The following CCDC102B variants were observed in gnomAD, a reference collection of about 807,000 sequenced individuals.
CCDC102B encodes coiled-coil domain containing 102B.
CCDC102B carries 75 observed loss-of-function variants against 57.4 expected under a neutral mutation model. The observed-to-expected ratio is 1.31, with a 90% CI of 1.08 to 1.58. The LOEUF is 1.58. Among genes scored for constraint, CCDC102B ranks in the 40% most tolerant of loss-of-function variants. CCDC102B has a pLI of 0.00. For synonymous variants in CCDC102B, 206 were observed against 201.9 expected (o/e 1.02, Z -0.17); for missense variants, 636 against 582.6 (o/e 1.09, Z -0.94).
In CCDC102B at chr18:68,746,598, C is replaced by T. The variant is rs112002868; in HGVS notation, c.-67+30004C>T. The stretch of plus-strand genomic sequence containing the variant: ...CAAGAAAAACACAATTTTCTAACTT[C>T]TACCTCTACAGGCAAAAAATTTACT... On this transcript the variant is annotated intron_variant, in intron 2 of 3. Transcript: ENST00000578970. Among the ~76,000 whole-genome samples, 943 of 152,198 alleles carry T rather than the reference C, an allele frequency of 6.2e-3. 9 individuals are homozygous for T. Among genetic ancestry groups the T allele is most frequent in the African/African-American group, 0.019 (774 of 41,546 alleles).
intron 6 of CCDC102B, among the ~76,000 whole-genome samples, chr18:68,983,264 C>T (rs1318313990): frequency 6.6e-6 from 1 of 151,758 alleles, no homozygotes; most frequent in African/African-American, 2.4e-5. Flanking sequence ...CTCTCATAAT[C>T]CTTATCTACA....
At chr18:68,896,270 T>G (rs2040238397) in intron 5 of CCDC102B, among the ~76,000 whole-genome samples, 1 of 152,026 alleles carries the variant, frequency 6.6e-6, no homozygotes, top group African/African-American at 2.4e-5. Context: ...AGAAAATAAA[T>G]ACATTTGATA....
chr18:68,751,450 G>A (rs6566382), intron 2 of CCDC102B, among the ~76,000 whole-genome samples: 149,124 of 152,170 alleles, frequency 0.98, 73,128 homozygotes, highest in East Asian at 1. Context: ...CTTGGGGGCC[G>A]CTGTAAACAG....
intron 6 of CCDC102B, among the ~76,000 whole-genome samples, chr18:68,945,108 C>G (rs2049497550): frequency 1.6e-5 from 2 of 128,906 alleles, no homozygotes; most frequent in Non-Finnish European, 3.2e-5. Context: ...CTCTCTCTCT[C>G]TGTCTCTCTC....
chr18:68,978,808 T>C (rs1235765993), intron 6 of CCDC102B, among the ~76,000 whole-genome samples: 3 of 152,052 alleles, frequency 2.0e-5, no homozygotes, highest in African/African-American at 7.2e-5. Context: ...TTTTCCATAG[T>C]AGCCCCAAAC....
intron 2 of CCDC102B, among the ~76,000 whole-genome samples, chr18:68,792,557 T>G (rs2035496131): frequency 1.3e-5 from 2 of 152,242 alleles, no homozygotes; most frequent in Non-Finnish European, 2.9e-5. Flanking sequence ...GTGATAGCCT[T>G]AATCCATCCC....
At chr18:69,041,757 T>A (rs1225015055) in intron 7 of CCDC102B, among the ~76,000 whole-genome samples, 1 of 152,114 alleles carries the variant, frequency 6.6e-6, no homozygotes. Context: ...GTGTTTCATT[T>A]CTCAATTGCT....
intron 1 of CCDC102B, among the ~76,000 whole-genome samples, chr18:68,816,431 T>G (rs2036474885): frequency 6.6e-6 from 1 of 151,994 alleles, no homozygotes; most frequent in African/African-American, 2.4e-5. Flanking sequence ...AAGTCACTTT[T>G]CACTATAGTC....
At chr18:68,739,456 C>G (rs2033291003) in intron 2 of CCDC102B, among the ~76,000 whole-genome samples, 1 of 152,214 alleles carries the variant, frequency 6.6e-6, no homozygotes. Context: ...TACCTGTTCA[C>G]TACTGGCAGG....
chr18:68,819,102 A>G (rs1466981573), intron 1 of CCDC102B, among the ~76,000 whole-genome samples: 1 of 152,140 alleles, frequency 6.6e-6, no homozygotes, highest in East Asian at 1.9e-4. Context: ...ACAGAAATTC[A>G]TAGGTTTAAT....
intron 7 of CCDC102B, among the ~76,000 whole-genome samples, chr18:69,042,997 C>T (rs915422826): frequency 1.3e-5 from 2 of 152,138 alleles, no homozygotes; most frequent in African/African-American, 2.4e-5. Flanking sequence ...TGGAGGATCC[C>T]GCCAGCCTCT....
At chr18:69,014,482 G>A (rs577071271) in intron 7 of CCDC102B, among the ~76,000 whole-genome samples, 1 of 152,222 alleles carries the variant, frequency 6.6e-6, no homozygotes, top group Non-Finnish European at 1.5e-5. Context: ...AGGTGCCCTT[G>A]CAACATCTAC....
intron 6 of CCDC102B, among the ~76,000 whole-genome samples, chr18:68,939,228 C>A (rs192667935): frequency 6.6e-6 from 1 of 151,714 alleles, no homozygotes; most frequent in Admixed American, 6.6e-5. Context: ...TGTGAGATAA[C>A]AAAATGTTCT....
chr18:69,000,031 G>C (rs2051159238), intron 6 of CCDC102B, among the ~76,000 whole-genome samples: 6 of 152,062 alleles, frequency 3.9e-5, no homozygotes, highest in Admixed American at 3.9e-4. Flanking sequence ...GAAACTCCAT[G>C]TAATGAACAA....
chr18:68,904,847 A>G (rs778669562), intron 6 of CCDC102B, among the ~76,000 whole-genome samples: 2 of 152,142 alleles, frequency 1.3e-5, no homozygotes, highest in South Asian at 4.1e-4. Flanking sequence ...TAGTGATAAG[A>G]TAAGTTTTAC....
intron 7 of CCDC102B, among the ~76,000 whole-genome samples, chr18:69,037,876 A>C (rs962227500): frequency 2.8e-4 from 43 of 152,152 alleles, no homozygotes; most frequent in African/African-American, 9.9e-4. Context: ...AAATGGTCAC[A>C]ATAACCCCAC....
In CCDC102B at chr18:68,973,663, A is replaced by AT. The variant is rs1284210895; in HGVS notation, c.1264-37265dup. Among the ~76,000 whole-genome samples, 6 of 152,142 alleles carry AT rather than the reference A, an allele frequency of 3.9e-5. No individual in the cohort carries two copies. In the South Asian group the frequency reaches 6.2e-4, roughly 16 times the overall value. ...ACAATATAGAAATGGTTGTGGATAG[A>AT]TTTTTTCTTGTAAAATATCATTACG... On this transcript the variant is annotated intron_variant, in intron 6 of 7. Transcript: ENST00000360242.
chr18:68,966,834 C>A (rs921205336), intron 6 of CCDC102B, among the ~76,000 whole-genome samples: 1 of 152,074 alleles, frequency 6.6e-6, no homozygotes, highest in Non-Finnish European at 1.5e-5. Context: ...TCCTGCCCCT[C>A]CCTCCTCCAG....
At chr18:68,990,567 G>A (rs1402178351) in intron 6 of CCDC102B, among the ~76,000 whole-genome samples, 1 of 152,148 alleles carries the variant, frequency 6.6e-6, no homozygotes, top group Non-Finnish European at 1.5e-5. Context: ...CAAGGTATGC[G>A]TAAATAATCA....
Sources: allele counts gnomAD v4.1 joint callset (sites outside exome capture counted in the v4.1 genomes callset), GRCh38; gene constraint gnomAD v4.1.1; transcripts MANE v1.5; gene names NCBI Gene and HGNC (gene_info 2026-07-23, HGNC 2026-07-21).